Variants in P4HA2 observed in about 807,000 individuals in gnomAD.
P4HA2 encodes the protein prolyl 4-hydroxylase subunit alpha-2.
Under a neutral mutation model 76.9 loss-of-function variants are expected in P4HA2, and 46 were observed. That is an observed-to-expected ratio of 0.60 (90% CI 0.47 to 0.76). The LOEUF (loss-of-function observed/expected upper bound fraction) is 0.76, where lower values mean the gene tolerates loss of function less well. P4HA2 is among the 30% of genes least tolerant of loss of function. The pLI, the probability that P4HA2 is intolerant of heterozygous loss-of-function variation, is 0.00. For synonymous variants in P4HA2, 243 were observed against 254.0 expected, an observed-to-expected ratio of 0.96 and a Z score of 0.41; for missense variants, 583 against 669.4, an observed-to-expected ratio of 0.87 and a Z score of 1.42.
intron 9 of P4HA2, 49 bp downstream of exon 9, chr5:132,204,033 G>T: frequency 1.4e-6 from 2 of 1,480,768 alleles, no homozygotes; most frequent in Non-Finnish European, 9.4e-7. Context: ...GCACTGAGAA[G>T]TCCTGAAGTT....
At chr5:132,214,316 T>C (rs1753556097) in intron 4 of P4HA2, among the ~76,000 whole-genome samples, 1 of 152,188 alleles carries the variant, frequency 6.6e-6, no homozygotes, top group African/African-American at 2.4e-5. Context: ...TATTGGTTAA[T>C]ATTTAGGAGT....
intron 12 of P4HA2, among the ~76,000 whole-genome samples, chr5:132,196,128 T>C (rs547434177): frequency 1.1e-4 from 17 of 152,324 alleles, no homozygotes; most frequent in Admixed American, 6.5e-4. Context: ...AAAGCACTAC[T>C]TCTTTCCCAT....
chr5:132,204,023 G>T (rs1234820058), intron 9 of P4HA2, 59 bp downstream of exon 9: 2 of 1,394,950 alleles, frequency 1.4e-6, no homozygotes, highest in East Asian at 4.6e-5. Context: ...CCTAGGGTAG[G>T]CACTGAGAAG....
In P4HA2 at chr5:132,217,278, C is replaced by T. The variant is rs780614353; in HGVS notation, c.250G>A (p.Val84Met). 3.1e-6 allele frequency: 5 copies of T among 1,614,196 alleles called. No individual in the cohort carries two copies. Among genetic ancestry groups the T allele is most frequent in the South Asian group, 2.2e-5 (2 of 91,084 alleles). ...CGCTTCACCAGTTTGTAGGCATTCA[C>T]AGGGTGAGCCAGGTAGCCCTCAGCA... ...ADAEGYLAHP[V>M]NAYKLVKRLN... The change falls in exon 4 of 15, where the codon GTG becomes ATG. Residue 84 changes from valine to methionine, a missense_variant. Transcript: ENST00000360568.
intron 8 of P4HA2, among the ~76,000 whole-genome samples, chr5:132,206,245 C>A (rs979765394): frequency 1.3e-5 from 2 of 152,200 alleles, no homozygotes; most frequent in African/African-American, 4.8e-5. Flanking sequence ...GAAATCCTGG[C>A]ACAACCAACA....
chr5:132,223,530 G>C (rs1433181378), intron 1 of P4HA2, among the ~76,000 whole-genome samples: 2 of 152,180 alleles, frequency 1.3e-5, no homozygotes, highest in African/African-American at 4.8e-5. Flanking sequence ...CCAAAGTGCT[G>C]GGATTATAGG....
chr5:132,218,712 C>T (rs1438335640), intron 1 of P4HA2, 68 bp from the exon 2 acceptor site: 4 of 910,214 alleles, frequency 4.4e-6, no homozygotes, highest in Non-Finnish European at 7.3e-6. Context: ...TGAGGAGACA[C>T]ATAGGCATGT....
chr5:132,214,188 C>T (rs896371714), intron 4 of P4HA2, 135 bp from the exon 5 acceptor site: 48 of 813,960 alleles, frequency 5.9e-5, no homozygotes, highest in Non-Finnish European at 8.0e-5. Context: ...GGCTGTTGCC[C>T]CCTTCCACCA....
At chr5:132,218,418 C>G in intron 2 of P4HA2, 127 bp downstream of exon 2, 1 of 589,970 alleles carries the variant, frequency 1.7e-6, no homozygotes, top group Non-Finnish European at 3.0e-6. Flanking sequence ...CAGTTCCACT[C>G]TCCTCAGAAC....
At position 132,190,188 on chromosome 5, in the gene P4HA2, T is replaced by C. The variant is rs1983246; in HGVS notation, c.*2822A>G. On this transcript the variant is annotated 3_prime_UTR_variant, in exon 15 of 15. Transcript: ENST00000360568. Reference sequence around the variant, plus strand: ...TTAATTTTCCACAATTGATTAAGGATACCATTGTACAAATTCAAGAATCCA... The same window carrying C: ...TTAATTTTCCACAATTGATTAAGGACACCATTGTACAAATTCAAGAATCCA... Among the ~76,000 whole-genome samples the C allele has an allele frequency of 0.2, 31,086 of 152,102 alleles. 3,235 individuals are homozygous for C. Among genetic ancestry groups the C allele is most frequent in the East Asian group, 0.3 (1,552 of 5,172 alleles).
At position 132,207,639 on chromosome 5, in the gene P4HA2, T is replaced by C. The variant is rs1752373154; in HGVS notation, c.1080+69A>G. Reference sequence around the variant, plus strand: ...GCTAGATGGGCAAACCAACCACCCATAGTGCTAGGGATGAGAAAAAGGACC... The same window carrying C: ...GCTAGATGGGCAAACCAACCACCCACAGTGCTAGGGATGAGAAAAAGGACC... On this transcript the variant is annotated intron_variant, in intron 8 of 14. Coordinates refer to ENST00000360568, the MANE Select transcript of P4HA2 (RefSeq NM_001017974.2). 8 of 1,379,898 alleles carry C rather than the reference T, an allele frequency of 5.8e-6. No homozygotes were observed. The Admixed American group carries it at 1.1e-4, about 18-fold the overall frequency. The allele number at this position is 1,379,898 out of a possible 1,614,324, so 85.5% of individuals were successfully genotyped here. A position where few individuals can be genotyped will look rare whatever the true frequency, so the allele number is the denominator to read the frequency against.
Position 132,218,472 on chromosome 5 carries a change from C to T in P4HA2, c.82+73G>A, listed in dbSNP as rs928507869. On this transcript the variant is annotated intron_variant, in intron 2 of 14. Coordinates refer to ENST00000360568, the MANE Select transcript of P4HA2 (RefSeq NM_001017974.2). ...AAGGCTATCCCACTCTAAATGAGAA[C>T]AGGCTGCAGCCAGAGACATCCGTGG... The T allele has an allele frequency of 1.3e-5, 14 of 1,047,554 alleles. No individual in the cohort carries two copies. In the African/African-American group the frequency reaches 1.4e-4, roughly 11 times the overall value. The allele number at this position is 1,047,554 out of a possible 1,614,324, so 64.9% of individuals were successfully genotyped here. A position where few individuals can be genotyped will look rare whatever the true frequency, so the allele number is the denominator to read the frequency against.
chr5:132,217,789 T>C lies in P4HA2; in HGVS notation c.142A>G (p.Ile48Val), dbSNP rs201551157. 3.7e-6 allele frequency: 6 copies of C among 1,612,952 alleles called. No individual in the cohort carries two copies. The highest frequency in any genetic ancestry group is 1.3e-5 in the African/African-American group (1 of 75,028). Residue 48 changes from isoleucine to valine, a missense_variant, in exon 3 of 15, where the codon ATC becomes GTC. Ile to Val is a conservative substitution (Grantham distance 29). Coordinates refer to ENST00000360568, the MANE Select transcript of P4HA2 (RefSeq NM_001017974.2). The stretch of plus-strand genomic sequence containing the variant: ...GAAAGCTTGGCTTCCTCCACAAGGA[T>C]GTACTCTTTCAGAGACTGCACCAGC... Reference protein sequence around the residue: ...KELVQSLKEYILVEEAKLSKI... With the variant: ...KELVQSLKEYVLVEEAKLSKI...
intron 12 of P4HA2, 72 bp from the exon 13 acceptor site, chr5:132,195,552 G>T: frequency 8.7e-7 from 1 of 1,153,238 alleles, no homozygotes; most frequent in Non-Finnish European, 1.3e-6. Context: ...CAAAGGACAT[G>T]ACAAGGTATA....
intron 5 of P4HA2, 146 bp from the exon 6 acceptor site, chr5:132,210,669 G>A (rs1331950816): frequency 3.8e-6 from 3 of 797,904 alleles, no homozygotes; most frequent in South Asian, 1.5e-5. Flanking sequence ...TATCCTAAAG[G>A]GCCACTGACA....
Position 132,214,279 on chromosome 5 carries a change from T to G in P4HA2, c.332-226A>C, listed in dbSNP as rs554118644. On this transcript the variant is annotated intron_variant, in intron 4 of 14. Transcript: ENST00000360568. Reference sequence around the variant, plus strand: ...CCATACCTACTGCCTGTGTTGCTCTTTGGAACTAAGTAGAAGCAGCCCCCC... The same window carrying G: ...CCATACCTACTGCCTGTGTTGCTCTGTGGAACTAAGTAGAAGCAGCCCCCC... Among the ~76,000 whole-genome samples, 195 of 152,204 alleles carry G rather than the reference T, an allele frequency of 1.3e-3. 1 individual carries two copies. Among genetic ancestry groups the G allele is most frequent in the African/African-American group, 4.5e-3 (189 of 41,540 alleles).
chr5:132,225,058 A>AAC (rs1755174723), intron 1 of P4HA2, among the ~76,000 whole-genome samples: 2 of 151,712 alleles, frequency 1.3e-5, no homozygotes, highest in South Asian at 2.1e-4. Context: ...GGAAAAAAAA[A>AAC]AAAAAAAAAA....
At chr5:132,225,510 C>T (rs1317544293) in intron 1 of P4HA2, among the ~76,000 whole-genome samples, 1 of 152,244 alleles carries the variant, frequency 6.6e-6, no homozygotes, top group Non-Finnish European at 1.5e-5. Flanking sequence ...GCTGCACCCA[C>T]GTAGTCTCTT....
At chr5:132,217,914 G>A (rs1369450549) in intron 2 of P4HA2, 66 bp from the exon 3 acceptor site, 1 of 921,062 alleles carries the variant, frequency 1.1e-6, no homozygotes, top group East Asian at 2.4e-5. Flanking sequence ...CCTTCCTTGG[G>A]GCACAGAATA....
Sources: allele counts gnomAD v4.1 joint callset (sites outside exome capture counted in the v4.1 genomes callset), GRCh38; gene constraint gnomAD v4.1.1; transcripts MANE v1.5; gene names NCBI Gene and HGNC (gene_info 2026-07-23, HGNC 2026-07-21).